The following WNK2 variants were observed in gnomAD, a reference collection of about 807,000 sequenced individuals.
WNK2 encodes the protein WNK lysine deficient protein kinase 2.
In WNK2, 67 loss-of-function variants were observed where a neutral mutation model predicts 192.1. That is an observed-to-expected ratio of 0.35 (90% CI 0.29 to 0.43). The LOEUF is 0.43. WNK2 is among the 20% of genes least tolerant of loss of function. The pLI, the probability that WNK2 is intolerant of heterozygous loss-of-function variation, is 1.00. For missense variants in WNK2, 2,698 were observed against 3,089.7 expected, an observed-to-expected ratio of 0.87 and a Z score of 3.01; for synonymous variants, 1,439 against 1,393.9, an observed-to-expected ratio of 1.03 and a Z score of -0.72.
chr9:93,185,241 G>GCCGGGAGCC lies in WNK2; in HGVS notation c.315_323dup (p.Gly109_Pro111dup), dbSNP rs1829076979. The GCCGGGAGCC allele has an allele frequency of 1.8e-5, 22 of 1,224,272 alleles. No individual in the cohort carries two copies. In the South Asian group the frequency reaches 6.8e-4, roughly 38 times the overall value. 75.8% of individuals were successfully genotyped at this position (1,224,272 alleles called of 1,614,324 possible). A position where few individuals can be genotyped will look rare whatever the true frequency, so the allele number is the denominator to read the frequency against. Reference sequence around the variant, plus strand: ...CCGCGCCCGCAGCGCTGGTAGCGCAGCCGGGAGCCCCCGGAGCCCCCGCGG... The same window carrying GCCGGGAGCC: ...CCGCGCCCGCAGCGCTGGTAGCGCAGCCGGGAGCCCCGGGAGCCCCCGGAGCCCCCGCGG... On this transcript the variant is annotated inframe_insertion, in exon 2 of 30. Coordinates refer to ENST00000427277, the MANE Select transcript of WNK2 (RefSeq NM_006648.4).
At chr9:93,216,305 G>A (rs753058761) in intron 2 of WNK2, among the ~76,000 whole-genome samples, 2 of 152,154 alleles carry the variant, frequency 1.3e-5, no homozygotes, top group Non-Finnish European at 2.9e-5. Flanking sequence ...ACAAATGTGA[G>A]CCATATGTGC....
chr9:93,238,016 G>A (rs1840115123), intron 5 of WNK2, among the ~76,000 whole-genome samples: 1 of 152,170 alleles, frequency 6.6e-6, no homozygotes, highest in South Asian at 2.1e-4. Flanking sequence ...AGTGAGCTGG[G>A]GCCATGGGAG....
chr9:93,189,763 C>G (rs1829990107), intron 2 of WNK2, among the ~76,000 whole-genome samples: 1 of 152,240 alleles, frequency 6.6e-6, no homozygotes, highest in African/African-American at 2.4e-5. Flanking sequence ...GGCAGGCGTT[C>G]TGCATGTCAT....
chr9:93,272,995 A>G (rs12684553), intron 19 of WNK2, among the ~76,000 whole-genome samples: 133,410 of 152,132 alleles, frequency 0.88, 59,671 homozygotes, highest in East Asian at 1. Flanking sequence ...TTCAAGTACA[A>G]CAATACTGAT....
At chr9:93,203,191 C>T (rs997233761) in intron 2 of WNK2, among the ~76,000 whole-genome samples, 3 of 152,152 alleles carry the variant, frequency 2.0e-5, no homozygotes, top group Admixed American at 6.5e-5. Context: ...ACCCCAAGTA[C>T]CCTTTGCTGA....
At chr9:93,287,487 G>C (rs367643104) in intron 19 of WNK2, among the ~76,000 whole-genome samples, 5 of 152,150 alleles carry the variant, frequency 3.3e-5, no homozygotes, top group African/African-American at 1.2e-4. Flanking sequence ...TCACAAACAC[G>C]GTGAGAGAGG....
At chr9:93,298,929 G>A (rs1851086002) in intron 24 of WNK2, 141 bp from the exon 25 acceptor site, 2 of 819,034 alleles carry the variant, frequency 2.4e-6, no homozygotes, top group Non-Finnish European at 3.7e-6. Context: ...TGTGGGAGAT[G>A]TGGCCATGTG....
intron 28 of WNK2, 44 bp from the exon 29 acceptor site, chr9:93,317,476 T>A (rs1393638341): frequency 2.5e-6 from 4 of 1,600,282 alleles, no homozygotes; most frequent in Non-Finnish European, 8.5e-7. Context: ...GCCAGCTGAT[T>A]GCAGCCACGT....
intron 4 of WNK2, 78 bp from the exon 5 acceptor site, chr9:93,234,730 A>G (rs897567293): frequency 2.0e-6 from 3 of 1,521,324 alleles, no homozygotes; most frequent in Non-Finnish European, 2.7e-6. Context: ...TGGGCAGCCA[A>G]AGCTCCCGGG....
chr9:93,278,465 G>A (rs1847267306), intron 19 of WNK2, among the ~76,000 whole-genome samples: 1 of 152,212 alleles, frequency 6.6e-6, no homozygotes, highest in Non-Finnish European at 1.5e-5. Context: ...TATAATTCAA[G>A]GGGTTTTGGG....
intron 2 of WNK2, among the ~76,000 whole-genome samples, chr9:93,213,443 CTT>C (rs1835138429): frequency 6.6e-6 from 1 of 152,178 alleles, no homozygotes; most frequent in Non-Finnish European, 1.5e-5. Context: ...ATTCATGAAT[CTT>C]TGGGCAATTT....
At chr9:93,297,616 C>A (rs1850822542) in intron 23 of WNK2, among the ~76,000 whole-genome samples, 1 of 152,242 alleles carries the variant, frequency 6.6e-6, no homozygotes, top group Admixed American at 6.5e-5. Flanking sequence ...CTGGCCCGTG[C>A]TGTTGGGCAC....
rs374183842 is a variant in WNK2 at position 93,265,534 on chromosome 9, G to C, written c.3696+1501G>C. Among the ~76,000 whole-genome samples, 200 of 152,316 alleles carry C rather than the reference G, an allele frequency of 1.3e-3. 1 individual carries two copies. Among genetic ancestry groups the C allele is most frequent in the African/African-American group, 4.6e-3 (191 of 41,566 alleles). ...AGTCTTTGTCAGCAGCAAGCAGCTGGTTCGTCAGCGCAGCACAAACACCAG... is the reference window on the plus strand; with the variant it reads ...AGTCTTTGTCAGCAGCAAGCAGCTGCTTCGTCAGCGCAGCACAAACACCAG... On this transcript the variant is annotated intron_variant, in intron 16 of 29. Transcript: ENST00000427277.
intron 23 of WNK2, among the ~76,000 whole-genome samples, chr9:93,295,985 C>T (rs1245523950): frequency 1.6e-4 from 22 of 139,106 alleles, no homozygotes; most frequent in Non-Finnish European, 1.7e-4. Flanking sequence ...TCACCATCCT[C>T]CCTTCACCTT....
intron 5 of WNK2, among the ~76,000 whole-genome samples, 188 bp downstream of exon 5, chr9:93,235,153 G>C (rs545306445): frequency 6.6e-6 from 1 of 152,332 alleles, no homozygotes; most frequent in Admixed American, 6.5e-5. Context: ...TTAGTAGCGG[G>C]GTGGTTACTC....
At chr9:93,302,221 G>A (rs1442575881) in intron 26 of WNK2, among the ~76,000 whole-genome samples, 1 of 152,246 alleles carries the variant, frequency 6.6e-6, no homozygotes, top group African/African-American at 2.4e-5. Context: ...GCGCAGCCCT[G>A]TGAGCGCTGA....
At chr9:93,316,521 A>G (rs924316292) in intron 28 of WNK2, 1 of 152,186 alleles carries the variant, frequency 6.6e-6, no homozygotes, top group African/African-American at 2.4e-5. Flanking sequence ...GCTATTATAA[A>G]TGTTATTTTT....
chr9:93,304,588 C>T (rs1235255430), intron 26 of WNK2, among the ~76,000 whole-genome samples: 1 of 152,200 alleles, frequency 6.6e-6, no homozygotes, highest in Non-Finnish European at 1.5e-5. Context: ...CCGTTGCTGC[C>T]TTATGGACAG....
At chr9:93,275,644 TA>T (rs1403767459) in intron 19 of WNK2, among the ~76,000 whole-genome samples, 1 of 152,170 alleles carries the variant, frequency 6.6e-6, no homozygotes, top group Non-Finnish European at 1.5e-5. Context: ...GCATGTGGAT[TA>T]AAAAGAAAGA....
Sources: allele counts gnomAD v4.1 joint callset (sites outside exome capture counted in the v4.1 genomes callset), GRCh38; gene constraint gnomAD v4.1.1; transcripts MANE v1.5; gene names NCBI Gene and HGNC (gene_info 2026-07-23, HGNC 2026-07-21).